Variants in ZMYND11 observed in about 807,000 individuals in gnomAD.
The protein encoded by ZMYND11 is zinc finger MYND domain-containing protein 11.
A neutral mutation model predicts 84.9 loss-of-function variants in ZMYND11; 9 were observed. That is an observed-to-expected ratio of 0.11 (90% CI 0.06 to 0.18). The LOEUF (loss-of-function observed/expected upper bound fraction) is 0.18, where lower values mean the gene tolerates loss of function less well. Ranked by LOEUF, ZMYND11 falls within the 10% of genes least tolerant of loss-of-function variation. ZMYND11 has a pLI of 1.00. For synonymous variants in ZMYND11, 250 were observed against 244.1 expected, an observed-to-expected ratio of 1.02 and a Z score of -0.23; for missense variants, 409 against 761.0, an observed-to-expected ratio of 0.54 and a Z score of 5.44.
At chr10:199,873 TCTTTTTTTTGAGACAGGG>T (rs1169608418) in intron 2 of ZMYND11, among the ~76,000 whole-genome samples, 3 of 89,280 alleles carry the variant, frequency 3.4e-5, no homozygotes, top group Non-Finnish European at 8.2e-5. Flanking sequence ...AACATTTTTT[TCTTTTTTTTGAGACAGGG>T]TCTTGTTCTG....
intron 2 of ZMYND11, among the ~76,000 whole-genome samples, chr10:184,850 G>C (rs1479315151): frequency 6.6e-6 from 1 of 152,022 alleles, no homozygotes; most frequent in Non-Finnish European, 1.5e-5. Flanking sequence ...GGTAAAAATA[G>C]AGCCTAATTT....
At chr10:201,976 T>C (rs943888292) in intron 2 of ZMYND11, among the ~76,000 whole-genome samples, 3 of 152,214 alleles carry the variant, frequency 2.0e-5, no homozygotes, top group African/African-American at 7.2e-5. Flanking sequence ...AGAAAAGTTC[T>C]TGTTATAGAT....
At chr10:168,789 C>G (rs1191464947) in intron 1 of ZMYND11, among the ~76,000 whole-genome samples, 2 of 152,140 alleles carry the variant, frequency 1.3e-5, no homozygotes, top group African/African-American at 2.4e-5. Flanking sequence ...TCACAACTTA[C>G]CGGAACACAA....
At chr10:156,926 A>G (rs934903935) in intron 1 of ZMYND11, among the ~76,000 whole-genome samples, 8 of 152,226 alleles carry the variant, frequency 5.3e-5, no homozygotes, top group Non-Finnish European at 1.0e-4. Context: ...GAGGATTGGC[A>G]GTATAGGCTG....
chr10:199,497 C>G (rs1339813694), intron 2 of ZMYND11, among the ~76,000 whole-genome samples: 3 of 152,130 alleles, frequency 2.0e-5, no homozygotes, highest in Non-Finnish European at 4.4e-5. Flanking sequence ...GGTGCAATCA[C>G]AGCTCTCTTG....
intron 9 of ZMYND11, among the ~76,000 whole-genome samples, chr10:241,322 C>CGT (rs1950861975): frequency 6.6e-6 from 1 of 152,030 alleles, no homozygotes; most frequent in Non-Finnish European, 1.5e-5. Flanking sequence ...GGACCACAGG[C>CGT]ACACGCCACC....
intron 1 of ZMYND11, among the ~76,000 whole-genome samples, chr10:158,103 A>G (rs1160048223): frequency 6.6e-6 from 1 of 152,128 alleles, no homozygotes. Flanking sequence ...GATATAACAC[A>G]TTTTGTTTAT....
At chr10:209,309 G>T (rs76133258) in intron 2 of ZMYND11, among the ~76,000 whole-genome samples, 4 of 152,054 alleles carry the variant, frequency 2.6e-5, no homozygotes, top group African/African-American at 9.7e-5. Context: ...GAATGTTTGC[G>T]TGCTTCAGTG....
At chr10:154,395 A>C (rs1841183408) in intron 1 of ZMYND11, among the ~76,000 whole-genome samples, 1 of 152,204 alleles carries the variant, frequency 6.6e-6, no homozygotes, top group Non-Finnish European at 1.5e-5. Flanking sequence ...AAACGGCAAA[A>C]TCACAACAAA....
At chr10:155,394 A>G (rs1235902353) in intron 1 of ZMYND11, among the ~76,000 whole-genome samples, 3 of 152,220 alleles carry the variant, frequency 2.0e-5, no homozygotes, top group African/African-American at 7.2e-5. Context: ...CACACCTGTA[A>G]TCCCAGCACT....
At chr10:224,033 CAT>C (rs1947633015) in intron 4 of ZMYND11, among the ~76,000 whole-genome samples, 1 of 151,936 alleles carries the variant, frequency 6.6e-6, no homozygotes, top group Non-Finnish European at 1.5e-5. Context: ...AGCCAAATTC[CAT>C]ATGGTAAAAA....
At chr10:163,574 G>T (rs1028368971) in intron 1 of ZMYND11, among the ~76,000 whole-genome samples, 2 of 151,728 alleles carry the variant, frequency 1.3e-5, no homozygotes, top group East Asian at 1.9e-4. Context: ...CCTATTTATG[G>T]TTTATAGATA....
At chr10:136,489 G>T (rs540772339) in intron 1 of ZMYND11, among the ~76,000 whole-genome samples, 1 of 152,118 alleles carries the variant, frequency 6.6e-6, no homozygotes, top group Non-Finnish European at 1.5e-5. Context: ...GAAGTACCCG[G>T]TGTCGTACCG....
upstream of ZMYND11, chr10:135,151 T>C (rs1403567508): frequency 4.8e-5 from 7 of 145,986 alleles, no homozygotes; most frequent in Non-Finnish European, 1.1e-4. The surrounding 1 kb of genome is among the most constrained non-coding windows in gnomAD (Gnocchi z 5.6). Flanking sequence ...GGCGCCCAAC[T>C]TCCCGCCGCC....
intron 2 of ZMYND11, 106 bp from the exon 3 acceptor site, chr10:209,781 CAT>C (rs1486267652): frequency 3.6e-6 from 4 of 1,123,088 alleles, no homozygotes; most frequent in Admixed American, 2.4e-5. Context: ...ACAGGACTCT[CAT>C]AAATACAAGT....
chr10:181,752 C>T (rs1847931207), intron 2 of ZMYND11, among the ~76,000 whole-genome samples: 1 of 151,850 alleles, frequency 6.6e-6, no homozygotes, highest in Non-Finnish European at 1.5e-5. Flanking sequence ...CAACTCCTTG[C>T]TCCTATAAGA....
intron 2 of ZMYND11, among the ~76,000 whole-genome samples, chr10:204,394 T>G (rs1209843541): frequency 1.3e-5 from 2 of 152,206 alleles, no homozygotes; most frequent in Admixed American, 1.3e-4. Context: ...TGTAAATAAT[T>G]GAGTTTTGGT....
rs528010813 is a variant in ZMYND11 at position 238,941 on chromosome 10, T to C, written c.610-497T>C. 3.7e-4 allele frequency among the ~76,000 whole-genome samples: 57 copies of C among 152,328 alleles called. No individual in the cohort carries two copies. In the East Asian group the frequency reaches 0.01, roughly 27 times the overall value. ...ACAGACAGGGACACCTGAGATGTTATTTTAAAATTATTTATAAACCAATTC... is the reference window on the plus strand; with the variant it reads ...ACAGACAGGGACACCTGAGATGTTACTTTAAAATTATTTATAAACCAATTC... On this transcript the variant is annotated intron_variant, in intron 6 of 14. Coordinates refer to ENST00000381604, the MANE Select transcript of ZMYND11 (RefSeq NM_001370100.5).
At chr10:188,346 G>T (rs774782305) in intron 2 of ZMYND11, among the ~76,000 whole-genome samples, 4 of 151,874 alleles carry the variant, frequency 2.6e-5, no homozygotes, top group Non-Finnish European at 4.4e-5. Flanking sequence ...CGGCACTTTG[G>T]GAGGCTGAGG....
Sources: allele counts gnomAD v4.1 joint callset (sites outside exome capture counted in the v4.1 genomes callset), GRCh38; gene constraint gnomAD v4.1.1; non-coding constraint Gnocchi (gnomAD v3.1); transcripts MANE v1.5; gene names NCBI Gene and HGNC (gene_info 2026-07-23, HGNC 2026-07-21).